The following PSMD1 variants were observed in gnomAD, a reference collection of about 807,000 sequenced individuals.
PSMD1 encodes 26S proteasome non-ATPase regulatory subunit 1.
Under a neutral mutation model 119.0 loss-of-function variants are expected in PSMD1, and 18 were observed. That is an observed-to-expected ratio of 0.15 (90% CI 0.10 to 0.22). The LOEUF (loss-of-function observed/expected upper bound fraction) is 0.22. Among genes scored for constraint, PSMD1 ranks in the 10% least tolerant of loss-of-function variants. The pLI is 1.00. For synonymous variants in PSMD1, 374 were observed against 396.6 expected (o/e 0.94, Z 0.68); for missense variants, 702 against 1,158.5 (o/e 0.61, Z 5.72).
At chr2:231,155,587 G>A (rs566474476) in intron 19 of PSMD1, among the ~76,000 whole-genome samples, 27 of 151,160 alleles carry the variant, frequency 1.8e-4, no homozygotes, top group African/African-American at 6.5e-4. Context: ...CTCTATTTAT[G>A]TACTTTGTTC....
intron 16 of PSMD1, among the ~76,000 whole-genome samples, chr2:231,129,517 C>CT (rs920368551): frequency 6.6e-5 from 10 of 152,260 alleles, no homozygotes; most frequent in Admixed American, 3.9e-4. Flanking sequence ...AAAAGCTTGC[C>CT]TAAAAGTATA....
intron 12 of PSMD1, among the ~76,000 whole-genome samples, chr2:231,081,501 G>C (rs1313077838): frequency 6.6e-6 from 1 of 152,200 alleles, no homozygotes; most frequent in Non-Finnish European, 1.5e-5. Context: ...GCCTTTTCAG[G>C]ACCCTACCTT....
At chr2:231,072,126 C>T (rs1205898251) in intron 6 of PSMD1, 63 bp from the exon 7 acceptor site, 1 of 1,377,068 alleles carries the variant, frequency 7.3e-7, no homozygotes, top group African/African-American at 1.4e-5. Context: ...GATTTTGTCT[C>T]CTTAAGTACC....
intron 1 of PSMD1, among the ~76,000 whole-genome samples, chr2:231,059,097 G>C (rs906013508): frequency 6.6e-6 from 1 of 152,140 alleles, no homozygotes; most frequent in Non-Finnish European, 1.5e-5. Context: ...TCAGTCCCTT[G>C]AGTTTTTAAA....
chr2:231,067,493 G>T (rs937479268), intron 5 of PSMD1, among the ~76,000 whole-genome samples: 32 of 152,280 alleles, frequency 2.1e-4, no homozygotes, highest in African/African-American at 7.7e-4. Context: ...TGGTCAGAAA[G>T]GTACAAAGCT....
intron 14 of PSMD1, 60 bp downstream of exon 14, chr2:231,083,823 T>A: frequency 6.6e-7 from 1 of 1,519,632 alleles, no homozygotes; most frequent in Non-Finnish European, 9.0e-7. Flanking sequence ...AACACTTAAC[T>A]TCACTGGAAA....
chr2:231,060,187 A>G (rs1004062685), intron 1 of PSMD1, among the ~76,000 whole-genome samples: 2 of 152,216 alleles, frequency 1.3e-5, no homozygotes, highest in Non-Finnish European at 2.9e-5. Flanking sequence ...TGTGCTGTCC[A>G]TTCAGAATCT....
At chr2:231,148,160 G>A (rs1696291103) in intron 18 of PSMD1, among the ~76,000 whole-genome samples, 2 of 152,226 alleles carry the variant, frequency 1.3e-5, no homozygotes, top group South Asian at 4.1e-4. Context: ...AAATATAGCA[G>A]CTATCATATG....
At chr2:231,082,029 T>G (rs1437572021) in intron 12 of PSMD1, among the ~76,000 whole-genome samples, 2 of 152,218 alleles carry the variant, frequency 1.3e-5, no homozygotes, top group African/African-American at 2.4e-5. Context: ...CACTTTGTTT[T>G]CTCACGTTCA....
chr2:231,146,470 T>A, intron 18 of PSMD1, 114 bp downstream of exon 18: 1 of 745,032 alleles, frequency 1.3e-6, no homozygotes, highest in Non-Finnish European at 2.3e-6. Flanking sequence ...GAAAGTAAAG[T>A]AAAAGTAAAG....
At chr2:231,141,000 C>G (rs926873937) in intron 17 of PSMD1, among the ~76,000 whole-genome samples, 10 of 151,900 alleles carry the variant, frequency 6.6e-5, no homozygotes, top group African/African-American at 2.4e-4. Flanking sequence ...GAAACCCCTT[C>G]TCTACTAAAA....
chr2:231,092,037 T>C (rs952643404), intron 16 of PSMD1, among the ~76,000 whole-genome samples: 6 of 152,190 alleles, frequency 3.9e-5, no homozygotes, highest in Non-Finnish European at 8.8e-5. Flanking sequence ...CCAAGTTACC[T>C]ACAAAGGTAG....
At chr2:231,143,599 A>G (rs1696181679) in intron 17 of PSMD1, among the ~76,000 whole-genome samples, 1 of 152,206 alleles carries the variant, frequency 6.6e-6, no homozygotes, top group Non-Finnish European at 1.5e-5. Flanking sequence ...TACGGGGCAA[A>G]AGAGTTTTTG....
chr2:231,156,594 G>GT (rs1219107589), intron 19 of PSMD1, among the ~76,000 whole-genome samples: 2 of 151,980 alleles, frequency 1.3e-5, no homozygotes, highest in Admixed American at 6.6e-5. Flanking sequence ...TTTATTGAAA[G>GT]TTTTTTTATA....
intron 1 of PSMD1, among the ~76,000 whole-genome samples, chr2:231,057,427 C>T (rs1231877922): frequency 6.6e-6 from 1 of 152,228 alleles, no homozygotes; most frequent in Admixed American, 6.5e-5. Context: ...GGCCCCTGTG[C>T]CATTGAACAG....
In PSMD1 at chr2:231,165,034, T is replaced by TTTTATATATATATA. The variant is rs1418024804; in HGVS notation, c.2482-165_2482-164insTTATATATATATAT. 8 of 21,838 alleles carry TTTTATATATATATA rather than the reference T, an allele frequency of 3.7e-4. 1 individual carries two copies. Among genetic ancestry groups the TTTTATATATATATA allele is most frequent in the Non-Finnish European group, 5.3e-4 (7 of 13,096 alleles). The allele number at this position is 21,838 out of a possible 1,614,324, so 1.4% of individuals were successfully genotyped here. A position where few individuals can be genotyped will look rare whatever the true frequency, so the allele number is the denominator to read the frequency against. ...CATTTATTCTTTGATTTATATATAT[T>TTTTATATATATATA]TATATATATATATATATATATATAT... On this transcript the variant is annotated intron_variant, in intron 21 of 24. Transcript: ENST00000308696.
intron 21 of PSMD1, 98 bp from the exon 22 acceptor site, chr2:231,165,102 T>A: frequency 2.5e-6 from 1 of 394,976 alleles, no homozygotes; most frequent in Non-Finnish European, 4.1e-6. Flanking sequence ...GTAATACAGC[T>A]AGGAAATAGA....
chr2:231,145,523 T>C (rs1369892505), intron 17 of PSMD1, among the ~76,000 whole-genome samples: 2 of 152,220 alleles, frequency 1.3e-5, no homozygotes, highest in Admixed American at 6.5e-5. Context: ...TCTTCAATAA[T>C]TGATCTTAGC....
In PSMD1 at chr2:231,056,957, C is replaced by G. The variant is rs1559213296; in HGVS notation, c.-69C>G. 1 of 1,536,562 alleles carries G rather than the reference C, an allele frequency of 6.5e-7. No homozygotes were observed. The highest frequency in any genetic ancestry group is 2.5e-5 in the East Asian group (1 of 39,928). On this transcript the variant is annotated 5_prime_UTR_variant, in exon 1 of 25. Transcript: ENST00000308696. ...AGGAGGCGCGGTGAACTGAGCGGCC[C>G]CTGAGCTGACAGATACACTGCGCAG...
Sources: gnomAD v4.1 joint callset for allele counts (sites outside exome capture counted in the v4.1 genomes callset) on GRCh38, gnomAD v4.1.1 for gene constraint, MANE v1.5 for transcripts, NCBI Gene and HGNC (gene_info 2026-07-23, HGNC 2026-07-21) for gene names.